SORCS1: variants seen among roughly 807,000 people sequenced by gnomAD.
The protein encoded by SORCS1 is sortilin related VPS10 domain containing receptor 1.
A neutral mutation model predicts 146.1 loss-of-function variants in SORCS1; 60 were observed. The observed-to-expected ratio is 0.41, with a 90% CI of 0.33 to 0.51. The LOEUF (loss-of-function observed/expected upper bound fraction) is 0.51. Among genes scored for constraint, SORCS1 ranks in the 20% least tolerant of loss-of-function variants. The pLI is 0.21. For missense variants in SORCS1, 1,352 were observed against 1,487.6 expected, an observed-to-expected ratio of 0.91 and a Z score of 1.50; for synonymous variants, 637 against 584.0, an observed-to-expected ratio of 1.09 and a Z score of -1.31.
chr10:106,617,464 T>G (rs1295652554), intron 21 of SORCS1, among the ~76,000 whole-genome samples: 1 of 152,154 alleles, frequency 6.6e-6, no homozygotes, highest in East Asian at 1.9e-4. Context: ...TATCTTTCTA[T>G]GCAGAAAAAG....
In SORCS1 at chr10:106,761,600, T is replaced by C; in HGVS notation, c.947A>G (p.Asn316Ser). Residue 316 changes from asparagine (N) to serine (S), a missense_variant, in exon 5 of 26, where the codon AAC becomes AGC. Asn to Ser is a conservative substitution (Grantham distance 46). Coordinates refer to ENST00000263054, the MANE Select transcript of SORCS1 (RefSeq NM_052918.5). ...WQLIQEGVVP[N>S]RFYWSVMGSN... ...AAGTGAGACTTACCAGTAGAACCTG[T>C]TTGGTACAACCCCTTCTTGGATAAG... 6.2e-7 allele frequency: 1 copy of C among 1,614,160 alleles called. No individual in the cohort carries two copies. The highest frequency in any genetic ancestry group is 8.5e-7 in the Non-Finnish European group (1 of 1,179,982).
At chr10:106,588,959 T>G (rs1845425434) in intron 24 of SORCS1, among the ~76,000 whole-genome samples, 1 of 151,896 alleles carries the variant, frequency 6.6e-6, no homozygotes, top group African/African-American at 2.4e-5. Context: ...ATCTCTATCT[T>G]TATAAAGCTT....
intron 2 of SORCS1, among the ~76,000 whole-genome samples, chr10:106,931,342 A>C (rs1323786536): frequency 6.6e-6 from 1 of 152,244 alleles, no homozygotes; most frequent in Non-Finnish European, 1.5e-5. Context: ...GGTTTACAGT[A>C]GCAGTAGGAC....
chr10:106,720,035 G>A (rs964766515), intron 6 of SORCS1, among the ~76,000 whole-genome samples: 2 of 152,108 alleles, frequency 1.3e-5, no homozygotes, highest in African/African-American at 4.8e-5. Flanking sequence ...CACCTTATCC[G>A]AGATTTCTTC....
intron 4 of SORCS1, among the ~76,000 whole-genome samples, chr10:106,772,173 T>C (rs1201439997): frequency 6.6e-6 from 1 of 151,870 alleles, no homozygotes; most frequent in Non-Finnish European, 1.5e-5. Flanking sequence ...TCCTTGGAGG[T>C]GTTGAATAGA....
Position 106,714,359 on chromosome 10 carries a change from G to A in SORCS1, c.1025-5018C>T, listed in dbSNP as rs148910434. The stretch of plus-strand genomic sequence containing the variant: ...ATTTAGAGTTTGCTATTAAAATCTT[G>A]CTTTTATGAGGAAATGCTTAATATA... On this transcript the variant is annotated intron_variant, in intron 6 of 25. Coordinates refer to ENST00000263054, the MANE Select transcript of SORCS1 (RefSeq NM_052918.5). Among the ~76,000 whole-genome samples the A allele has an allele frequency of 2.3e-3, 349 of 151,924 alleles. 4 individuals are homozygous for A. Among genetic ancestry groups the A allele is most frequent in the African/African-American group, 8.0e-3 (331 of 41,478 alleles).
chr10:107,058,162 C>T (rs1960829136), intron 1 of SORCS1, among the ~76,000 whole-genome samples: 1 of 152,172 alleles, frequency 6.6e-6, no homozygotes, highest in Non-Finnish European at 1.5e-5. Flanking sequence ...CTGCCTCAGC[C>T]TCCTGAGTAG....
At chr10:106,994,937 C>A (rs1350874605) in intron 1 of SORCS1, among the ~76,000 whole-genome samples, 1 of 152,078 alleles carries the variant, frequency 6.6e-6, no homozygotes, top group Admixed American at 6.5e-5. Context: ...TAAATGGAAA[C>A]CTTGTCAACA....
intron 2 of SORCS1, among the ~76,000 whole-genome samples, chr10:106,887,155 T>C (rs922325975): frequency 3.3e-5 from 5 of 152,358 alleles, no homozygotes; most frequent in African/African-American, 1.2e-4. Flanking sequence ...ATTAATATAT[T>C]GTTTAACAAC....
chr10:107,175,355 G>A, the SORCS1 span, among the ~76,000 whole-genome samples: 1 of 152,180 alleles, frequency 6.6e-6, no homozygotes, highest in Admixed American at 6.5e-5. Context: ...TTGTTTGAAT[G>A]AAATAACCAC....
intron 2 of SORCS1, among the ~76,000 whole-genome samples, chr10:106,871,675 A>G (rs552872695): frequency 6.6e-6 from 1 of 152,342 alleles, no homozygotes; most frequent in African/African-American, 2.4e-5. Context: ...CTCATTCATA[A>G]GTGGGAGCTA....
intron 1 of SORCS1, among the ~76,000 whole-genome samples, chr10:107,052,000 C>T (rs1392727773): frequency 6.6e-6 from 1 of 152,102 alleles, no homozygotes; most frequent in Non-Finnish European, 1.5e-5. Flanking sequence ...TGCAAAGTCA[C>T]CCTAAATGGA....
chr10:106,858,789 C>G (rs1949891703), intron 2 of SORCS1, among the ~76,000 whole-genome samples: 1 of 152,058 alleles, frequency 6.6e-6, no homozygotes, highest in Admixed American at 6.6e-5. Context: ...TAAGAAAGGG[C>G]AAAGTAATTT....
At chr10:107,030,436 C>T (rs544904127) in intron 1 of SORCS1, among the ~76,000 whole-genome samples, 81 of 152,308 alleles carry the variant, frequency 5.3e-4, no homozygotes, top group South Asian at 2.1e-3. Context: ...AACTTCTCTA[C>T]GCTTTTGCCT....
intron 5 of SORCS1, among the ~76,000 whole-genome samples, chr10:106,738,947 C>T (rs941403712): frequency 2.0e-5 from 3 of 152,148 alleles, no homozygotes; most frequent in Non-Finnish European, 4.4e-5. Flanking sequence ...TTTGGCCTCC[C>T]AAAGTTCTGA....
chr10:106,702,709 T>A (rs1854221338), intron 8 of SORCS1, among the ~76,000 whole-genome samples: 2 of 152,198 alleles, frequency 1.3e-5, no homozygotes, highest in African/African-American at 4.8e-5. Context: ...TTTAAAATAT[T>A]TATATATTAT....
At chr10:106,638,323 A>C (rs1231831270) in intron 18 of SORCS1, among the ~76,000 whole-genome samples, 2 of 152,232 alleles carry the variant, frequency 1.3e-5, no homozygotes, top group Non-Finnish European at 2.9e-5. Flanking sequence ...CTTTAGGAAT[A>C]AATCTCTATA....
chr10:106,582,146 C>T (rs1564742361), intron 24 of SORCS1, among the ~76,000 whole-genome samples: 1 of 151,938 alleles, frequency 6.6e-6, no homozygotes, highest in Non-Finnish European at 1.5e-5. Flanking sequence ...CATACACACA[C>T]ACACACACAC....
intron 2 of SORCS1, among the ~76,000 whole-genome samples, chr10:106,915,772 T>G (rs553551380): frequency 6.6e-6 from 1 of 152,220 alleles, no homozygotes; most frequent in Non-Finnish European, 1.5e-5. Flanking sequence ...TCCAATAATG[T>G]ATTGCCCCCT....
Sources: allele counts gnomAD v4.1 joint callset (sites outside exome capture counted in the v4.1 genomes callset), GRCh38; gene constraint gnomAD v4.1.1; transcripts MANE v1.5; gene names NCBI Gene and HGNC (gene_info 2026-07-23, HGNC 2026-07-21).